Variants in SLC45A3 observed in about 807,000 individuals in gnomAD.
SLC45A3 encodes solute carrier family 45 member 3.
A neutral mutation model predicts 35.3 loss-of-function variants in SLC45A3; 17 were observed. The ratio of observed to expected loss-of-function variants is 0.48; its 90% CI spans 0.33 to 0.72. SLC45A3 has a LOEUF of 0.72. SLC45A3 is among the 30% of genes least tolerant of loss of function. SLC45A3 has a pLI of 0.02. For synonymous variants in SLC45A3, 288 were observed against 334.3 expected, an observed-to-expected ratio of 0.86 and a Z score of 1.51; for missense variants, 597 against 731.7, an observed-to-expected ratio of 0.82 and a Z score of 2.12.
rs1453413079 is a variant in SLC45A3 at position 205,664,949 on chromosome 1, A to G, written c.-230-63T>C. 3 of 1,238,146 alleles carry G rather than the reference A, an allele frequency of 2.4e-6. No individual in the cohort carries two copies. Among genetic ancestry groups the G allele is most frequent in the Non-Finnish European group, 3.0e-6 (3 of 987,336 alleles). 76.7% of individuals were successfully genotyped at this position (1,238,146 alleles called of 1,614,324 possible). ...AAGTCCTGGGAGCCAGGTCTCCACG[A>G]TTTGCTCTAAATTGTCTGGATCCTG... On this transcript the variant is annotated intron_variant, in intron 1 of 4. Transcript: ENST00000367145. The surrounding 1 kb of genome is among the most constrained non-coding windows in gnomAD (Gnocchi z 5.3).
intron 1 of SLC45A3, among the ~76,000 whole-genome samples, chr1:205,677,586 T>C (rs1050595577): frequency 2.0e-5 from 3 of 152,186 alleles, no homozygotes; most frequent in Admixed American, 6.6e-5. Flanking sequence ...TAAAATCATT[T>C]TGCCAAAGCT....
intron 1 of SLC45A3, among the ~76,000 whole-genome samples, chr1:205,679,579 T>G (rs1775147): frequency 0.56 from 85,621 of 151,766 alleles, 26,903 homozygotes; most frequent in Non-Finnish European, 0.72. Context: ...TGTTTGCCGT[T>G]TGCAGAACTC....
Position 205,663,550 on chromosome 1 carries a change from G to A in SLC45A3, c.241C>T (p.Arg81Cys), listed in dbSNP as rs540456576. ...LGSASDHWRG[R>C]YGRRRPFIWA... ...ATGAAGGGCCGGCGGCGGCCATAGC[G>A]TCCACGCCAGTGGTCACTGGCTGAG... The change falls in exon 3 of 5, where the codon CGC (arginine) becomes TGC (cysteine). Residue 81 changes from arginine (R) to cysteine (C), a missense_variant. Physicochemically the swap from Arg to Cys is radical, Grantham distance 180. Coordinates refer to ENST00000367145, the MANE Select transcript of SLC45A3 (RefSeq NM_033102.3). 27 of 1,612,566 alleles carry A rather than the reference G, an allele frequency of 1.7e-5. No homozygotes were observed. Among genetic ancestry groups the A allele is most frequent in the Admixed American group, 8.3e-5 (5 of 60,004 alleles).
In SLC45A3 at chr1:205,666,201, G is replaced by C. The variant is rs984758197; in HGVS notation, c.-230-1315C>G. Among the ~76,000 whole-genome samples the C allele has an allele frequency of 6.6e-6, 1 of 151,932 alleles. No individual in the cohort carries two copies. Among genetic ancestry groups the C allele is most frequent in the Non-Finnish European group, 1.5e-5 (1 of 67,982 alleles). ...ACAAAGCGTGTTGTGGGTGCTCTGAGCTGTGCCACAGAGAAATCAGCCAGG... is the reference window on the plus strand; with the variant it reads ...ACAAAGCGTGTTGTGGGTGCTCTGACCTGTGCCACAGAGAAATCAGCCAGG... On this transcript the variant is annotated intron_variant, in intron 1 of 4. Transcript: ENST00000367145. The surrounding 1 kb of genome is among the most constrained non-coding windows in gnomAD (Gnocchi z 4.1).
At position 205,663,336 on chromosome 1, in the gene SLC45A3, C is replaced by A; in HGVS notation, c.455G>T (p.Arg152Leu). 1 of 1,613,356 alleles carries A rather than the reference C, an allele frequency of 6.2e-7. No individual in the cohort carries two copies. Among genetic ancestry groups the A allele is most frequent in the Non-Finnish European group, 8.5e-7 (1 of 1,180,018 alleles). ...PLEALLSDLF[R>L]DPDHCRQAYS... is the part of the protein sequence containing the mutation. ...GGCCTGGCGACAGTGGTCCGGGTCC[C>A]GGAAGAGGTCAGAGAGCAGGGCCTC... The change falls in exon 3 of 5, where the codon CGG (arginine) becomes CTG (leucine). Residue 152 changes from arginine to leucine, a missense_variant. Coordinates refer to ENST00000367145, the MANE Select transcript of SLC45A3 (RefSeq NM_033102.3).
At chr1:205,661,094 C>T (rs1219216658) in intron 4 of SLC45A3, among the ~76,000 whole-genome samples, 1 of 152,200 alleles carries the variant, frequency 6.6e-6, no homozygotes, top group African/African-American at 2.4e-5. Flanking sequence ...GTCCAGCACC[C>T]AGGTTTGTAG....
intron 1 of SLC45A3, among the ~76,000 whole-genome samples, chr1:205,679,581 G>A (rs936085052): frequency 1.3e-5 from 2 of 152,074 alleles, no homozygotes; most frequent in African/African-American, 2.4e-5. Flanking sequence ...TTTGCCGTTT[G>A]CAGAACTCTG....
intron 1 of SLC45A3, among the ~76,000 whole-genome samples, chr1:205,678,015 AAT>A (rs1671338520): frequency 6.6e-6 from 1 of 152,180 alleles, no homozygotes; most frequent in Admixed American, 6.5e-5. Flanking sequence ...TGAAGCAGCC[AAT>A]ATAGAAACTT....
rs771735973 is a variant in SLC45A3 at position 205,664,688 on chromosome 1, G to A, written c.-32C>T. 30 of 1,610,226 alleles carry A rather than the reference G, an allele frequency of 1.9e-5. No homozygotes were observed. Among genetic ancestry groups the A allele is most frequent in the Admixed American group, 6.7e-5 (4 of 59,522 alleles). On this transcript the variant is annotated 5_prime_UTR_variant, in exon 2 of 5. It adds an upstream start codon to the 5' untranslated region. Transcript: ENST00000367145. This position sits in a 1 kb window ranked among gnomAD's most constrained non-coding sequence, Gnocchi z 5.3. Reference sequence around the variant, plus strand: ...CCAGGCGGGTAGGGCTCAGGGGGCCGTTCAGGCACTCCAGAACTGCTTCGT... The same window carrying A: ...CCAGGCGGGTAGGGCTCAGGGGGCCATTCAGGCACTCCAGAACTGCTTCGT...
At position 205,659,683 on chromosome 1, in the gene SLC45A3, G is replaced by A. The variant is rs749944845; in HGVS notation, c.1225-12C>T. ...TTGGGCAGGAACACCTAAGGCAGAG[G>A]GGTGAAGAAAAGGGGAAGAGGACAG... On this transcript the variant is annotated splice_polypyrimidine_tract_variant and intron_variant, in intron 4 of 4. Transcript: ENST00000367145. This position sits in a 1 kb window ranked among gnomAD's most constrained non-coding sequence, Gnocchi z 5.8. 2 of 1,519,078 alleles carry A rather than the reference G, an allele frequency of 1.3e-6. No individual in the cohort carries two copies. The allele number at this position is 1,519,078 out of a possible 1,614,324, so 94.1% of individuals were successfully genotyped here.
rs1001794203 is a variant in SLC45A3 at position 205,664,588 on chromosome 1, C to T, written c.69G>A (p.Leu23=). The change falls in exon 2 of 5, where the codon CTG becomes CTA. Residue 23 remains leucine, a synonymous_variant. Transcript: ENST00000367145. This position sits in a 1 kb window ranked among gnomAD's most constrained non-coding sequence, Gnocchi z 5.3. The stretch of plus-strand genomic sequence containing the variant: ...AACACACCTCCAGGCCAAAGGTTAG[C>T]AGGTTGACCAGCAAGAGCTGGGCTT... The part of the protein sequence containing the change: ...HRKAQLLLVN[L]LTFGLEVCLA... 3 of 1,614,266 alleles carry T rather than the reference C, an allele frequency of 1.9e-6. No homozygotes were observed. The highest frequency in any genetic ancestry group is 2.5e-6 in the Non-Finnish European group (3 of 1,180,040).
At chr1:205,680,068 G>C (rs1671379795) in intron 1 of SLC45A3, among the ~76,000 whole-genome samples, 2 of 147,606 alleles carry the variant, frequency 1.4e-5, no homozygotes, top group South Asian at 4.3e-4. Flanking sequence ...GGGGCTCCGG[G>C]GAGGGGCCGC....
Position 205,658,067 on chromosome 1 carries a change from C to T in SLC45A3, c.*1167G>A. On this transcript the variant is annotated 3_prime_UTR_variant, in exon 5 of 5. Transcript: ENST00000367145. ...CCCAAGCACAGATATACTCTGGGGG[C>T]TGAGATGGACAAAGGCTTGGGAAAC... The T allele has an allele frequency of 4.5e-6, 1 of 223,436 alleles. No individual in the cohort carries two copies. Among genetic ancestry groups the T allele is most frequent in the Non-Finnish European group, 8.9e-6 (1 of 112,402 alleles). 13.8% of individuals were successfully genotyped at this position (223,436 alleles called of 1,614,324 possible).
chr1:205,660,015 C>T (rs543365896), intron 4 of SLC45A3, among the ~76,000 whole-genome samples: 2 of 152,236 alleles, frequency 1.3e-5, no homozygotes, highest in African/African-American at 4.8e-5. Flanking sequence ...GGAATGAAGA[C>T]GGTGGTAAGA....
intron 1 of SLC45A3, among the ~76,000 whole-genome samples, chr1:205,679,695 C>T (rs1225666879): frequency 6.7e-6 from 1 of 148,728 alleles, no homozygotes; most frequent in South Asian, 2.1e-4. Context: ...AACACACACA[C>T]ACACACACAC....
chr1:205,664,411 G>A lies in SLC45A3; in HGVS notation c.172+74C>T. On this transcript the variant is annotated intron_variant, in intron 2 of 4. Coordinates refer to ENST00000367145, the MANE Select transcript of SLC45A3 (RefSeq NM_033102.3). This position sits in a 1 kb window ranked among gnomAD's most constrained non-coding sequence, Gnocchi z 5.3. Reference sequence around the variant, plus strand: ...CCTCTCCCTCCAAGCAGCTCCCAGGGCAGAGGTACTCCTGTCCCACATGCC... The same window carrying A: ...CCTCTCCCTCCAAGCAGCTCCCAGGACAGAGGTACTCCTGTCCCACATGCC... 1.9e-6 allele frequency: 3 copies of A among 1,571,340 alleles called. No individual in the cohort carries two copies. Among genetic ancestry groups the A allele is most frequent in the East Asian group, 2.3e-5 (1 of 44,422 alleles).
intron 1 of SLC45A3, among the ~76,000 whole-genome samples, chr1:205,678,122 G>A (rs1030342249): frequency 6.6e-6 from 1 of 152,094 alleles, no homozygotes; most frequent in Non-Finnish European, 1.5e-5. Flanking sequence ...TTCAAGACAA[G>A]CCTGGCCAAC....
At position 205,664,759 on chromosome 1, in the gene SLC45A3, C is replaced by T. The variant is rs1383824896; in HGVS notation, c.-103G>A. ...TGCGGCCTCTCCTCCTTGCTGCCGC[C>T]AACTGCCTAGGAATCAGCCAGGCGC... On this transcript the variant is annotated 5_prime_UTR_variant, in exon 2 of 5. Transcript: ENST00000367145. This position sits in a 1 kb window ranked among gnomAD's most constrained non-coding sequence, Gnocchi z 5.3. 2.0e-6 allele frequency: 3 copies of T among 1,493,418 alleles called. No individual in the cohort carries two copies. Among genetic ancestry groups the T allele is most frequent in the Non-Finnish European group, 2.7e-6 (3 of 1,126,506 alleles). The allele number at this position is 1,493,418 out of a possible 1,614,324, so 92.5% of individuals were successfully genotyped here.
chr1:205,677,163 C>T (rs1446526133), intron 1 of SLC45A3, among the ~76,000 whole-genome samples: 1 of 152,182 alleles, frequency 6.6e-6, no homozygotes, highest in African/African-American at 2.4e-5. Flanking sequence ...GAGGGGTACA[C>T]TCTGGGAAGG....
Sources: allele counts gnomAD v4.1 joint callset (sites outside exome capture counted in the v4.1 genomes callset), GRCh38; gene constraint gnomAD v4.1.1; non-coding constraint Gnocchi (gnomAD v3.1); transcripts MANE v1.5; gene names NCBI Gene and HGNC (gene_info 2026-07-23, HGNC 2026-07-21).